The following PBX3 variants were observed in gnomAD, a reference collection of about 807,000 sequenced individuals.
PBX3 encodes the protein pre-B-cell leukemia transcription factor 3.
Under a neutral mutation model 48.5 loss-of-function variants are expected in PBX3, and 14 were observed. The observed-to-expected ratio is 0.29, with a 90% CI of 0.19 to 0.45. The LOEUF is 0.45. Among genes scored for constraint, PBX3 ranks in the 20% least tolerant of loss-of-function variants. The probability of loss-of-function intolerance (pLI) is 1.00; values close to 1 mark genes in which losing one functional copy is unlikely to be tolerated. For synonymous variants in PBX3, 210 were observed against 200.3 expected (o/e 1.05, Z -0.41); for missense variants, 386 against 546.7 (o/e 0.71, Z 2.93).
chr9:125,760,677 A>C (rs1836642889), intron 2 of PBX3, among the ~76,000 whole-genome samples: 1 of 152,218 alleles, frequency 6.6e-6, no homozygotes, highest in Non-Finnish European at 1.5e-5. Flanking sequence ...ATGATGGCAC[A>C]TTGTGCATCT....
chr9:125,898,737 C>T (rs980727063), intron 2 of PBX3, among the ~76,000 whole-genome samples: 2 of 151,762 alleles, frequency 1.3e-5, no homozygotes, highest in African/African-American at 4.8e-5. Context: ...TTTATAAATT[C>T]GAGTTGTAGC....
At chr9:125,938,367 G>T (rs2132537507) in intron 5 of PBX3, among the ~76,000 whole-genome samples, 1 of 152,250 alleles carries the variant, frequency 6.6e-6, no homozygotes, top group East Asian at 1.9e-4. Context: ...GTAAAGATGG[G>T]ATCAGATATA....
At chr9:125,841,265 G>C (rs1839283402) in intron 2 of PBX3, among the ~76,000 whole-genome samples, 1 of 152,036 alleles carries the variant, frequency 6.6e-6, no homozygotes, top group South Asian at 2.1e-4. Context: ...TGAATAATTG[G>C]GTAAATACAG....
intron 2 of PBX3, among the ~76,000 whole-genome samples, chr9:125,820,946 C>T (rs1274445784): frequency 6.6e-6 from 1 of 152,022 alleles, no homozygotes; most frequent in Non-Finnish European, 1.5e-5. Flanking sequence ...TACAGTTGCT[C>T]AAAGCAAAAG....
intron 5 of PBX3, among the ~76,000 whole-genome samples, chr9:125,950,006 C>T (rs994068346): frequency 6.6e-6 from 1 of 151,814 alleles, no homozygotes; most frequent in Non-Finnish European, 1.5e-5. Context: ...TCCATAGAGC[C>T]TAGGAAGGAA....
At chr9:125,909,837 C>A (rs953358643) in intron 2 of PBX3, among the ~76,000 whole-genome samples, 4 of 152,134 alleles carry the variant, frequency 2.6e-5, no homozygotes, top group African/African-American at 9.7e-5. Flanking sequence ...CTAATAATGT[C>A]ATTATAGCAT....
intron 2 of PBX3, among the ~76,000 whole-genome samples, chr9:125,765,288 A>G (rs1836773664): frequency 6.6e-6 from 1 of 151,664 alleles, no homozygotes. Flanking sequence ...AGTCAAGACT[A>G]CAGGCGCGCG....
At chr9:125,871,964 TA>T (rs1840135712) in intron 2 of PBX3, among the ~76,000 whole-genome samples, 1 of 152,176 alleles carries the variant, frequency 6.6e-6, no homozygotes, top group African/African-American at 2.4e-5. Flanking sequence ...TGTATGTGTG[TA>T]AAAATGCATC....
chr9:125,796,952 G>A (rs1178763306), intron 2 of PBX3, among the ~76,000 whole-genome samples: 3 of 152,114 alleles, frequency 2.0e-5, no homozygotes, highest in Non-Finnish European at 4.4e-5. Context: ...GAATGTTAAT[G>A]TTGGTTGTTG....
chr9:125,793,363 A>AG (rs1564657957), intron 2 of PBX3, among the ~76,000 whole-genome samples: 3 of 91,678 alleles, frequency 3.3e-5, no homozygotes, highest in African/African-American at 1.2e-4. Flanking sequence ...GGGGGAAAAA[A>AG]AAAATATATA....
chr9:125,962,723 A>G (rs1842455594), intron 7 of PBX3, among the ~76,000 whole-genome samples: 1 of 152,356 alleles, frequency 6.6e-6, no homozygotes, highest in Non-Finnish European at 1.5e-5. Context: ...TTCCATATAC[A>G]CAATTCTAAG....
intron 2 of PBX3, among the ~76,000 whole-genome samples, chr9:125,896,572 G>A (rs60237705): frequency 5.3e-5 from 8 of 151,952 alleles, no homozygotes; most frequent in Non-Finnish European, 8.8e-5. Flanking sequence ...TTTGATACTC[G>A]TAAAACTAAA....
In PBX3 at chr9:125,821,447, G is replaced by A. The variant is rs150217855; in HGVS notation, c.274+72824G>A. 1.7e-3 allele frequency among the ~76,000 whole-genome samples: 260 copies of A among 152,166 alleles called. 1 individual carries two copies. The highest frequency in any genetic ancestry group is 5.9e-3 in the African/African-American group (244 of 41,550). Reference sequence around the variant, plus strand: ...AGAAAGAATCTTTTTTAAAGGAAAGGATTAATATAGGGGATTAATTTTTAA... The same window carrying A: ...AGAAAGAATCTTTTTTAAAGGAAAGAATTAATATAGGGGATTAATTTTTAA... On this transcript the variant is annotated intron_variant, in intron 2 of 8. Coordinates refer to ENST00000373489, the MANE Select transcript of PBX3 (RefSeq NM_006195.6).
At chr9:125,843,737 G>C in intron 2 of PBX3, 1 of 448,762 alleles carries the variant, frequency 2.2e-6, no homozygotes, top group South Asian at 1.6e-5. Flanking sequence ...CCATGGTGCA[G>C]CGAGGTCATA....
At chr9:125,769,768 G>A (rs983511531) in intron 2 of PBX3, among the ~76,000 whole-genome samples, 2 of 152,178 alleles carry the variant, frequency 1.3e-5, no homozygotes, top group Admixed American at 1.3e-4. Flanking sequence ...ACTAGTGTAA[G>A]CTTCCTGGGG....
chr9:125,816,078 CACTGCAGCCCCG>C, intron 2 of PBX3, among the ~76,000 whole-genome samples: 1 of 152,182 alleles, frequency 6.6e-6, no homozygotes, highest in East Asian at 1.9e-4. Flanking sequence ...GATCATGGCT[CACTGCAGCCCCG>C]ACTGCCCGGG....
intron 8 of PBX3, among the ~76,000 whole-genome samples, chr9:125,963,377 C>A (rs1842470961): frequency 6.6e-6 from 1 of 152,136 alleles, no homozygotes; most frequent in African/African-American, 2.4e-5. Flanking sequence ...CAGTGCTGTG[C>A]TCCAGGGAGA....
intron 2 of PBX3, among the ~76,000 whole-genome samples, chr9:125,802,117 G>A (rs753528697): frequency 5.3e-5 from 8 of 151,928 alleles, no homozygotes; most frequent in Non-Finnish European, 1.0e-4. Context: ...TAATAATTTT[G>A]CATTTCAACT....
At chr9:125,854,164 C>T (rs777237013) in intron 2 of PBX3, among the ~76,000 whole-genome samples, 11 of 152,122 alleles carry the variant, frequency 7.2e-5, no homozygotes, top group Non-Finnish European at 8.8e-5. Context: ...CAGGGTCTCA[C>T]GCTGTTGCCC....
Sources: gnomAD v4.1 joint callset for allele counts (sites outside exome capture counted in the v4.1 genomes callset) on GRCh38, gnomAD v4.1.1 for gene constraint, MANE v1.5 for transcripts, NCBI Gene and HGNC (gene_info 2026-07-23, HGNC 2026-07-21) for gene names.